The following RARA variants were observed in gnomAD, a reference collection of about 807,000 sequenced individuals.
The protein encoded by RARA is PML-DDX5-RARA fusion.
Under a neutral mutation model 42.8 loss-of-function variants are expected in RARA, and 5 were observed. That is an observed-to-expected ratio of 0.12 (90% CI 0.06 to 0.25). The LOEUF is 0.25. Ranked by LOEUF, RARA falls within the 10% of genes least tolerant of loss-of-function variation. The pLI is 1.00. For missense variants in RARA, 402 were observed against 628.7 expected (o/e 0.64, Z 3.86); for synonymous variants, 256 against 259.5 (o/e 0.99, Z 0.13).
Position 40,331,151 on chromosome 17 carries a change from G to C in RARA, c.-68G>C. Reference sequence around the variant, plus strand: ...GCCCAGGCCCCATGCCCCGAGGAGGGGTGGTCTGAAGCCCACCAGAGCCCC... The same window carrying C: ...GCCCAGGCCCCATGCCCCGAGGAGGCGTGGTCTGAAGCCCACCAGAGCCCC... On this transcript the variant is annotated 5_prime_UTR_variant, in exon 2 of 9. Coordinates refer to ENST00000254066, the MANE Select transcript of RARA (RefSeq NM_000964.4). The C allele has an allele frequency of 2.7e-6, 4 of 1,485,382 alleles. No homozygotes were observed. The highest frequency in any genetic ancestry group is 3.6e-6 in the Non-Finnish European group (4 of 1,104,870). 92.0% of individuals were successfully genotyped at this position (1,485,382 alleles called of 1,614,324 possible).
rs1221319264 is a variant in RARA at position 40,345,858 on chromosome 17, C to T, written c.179-2458C>T. Among the ~76,000 whole-genome samples, 1 of 152,214 alleles carries T rather than the reference C, an allele frequency of 6.6e-6. No individual in the cohort carries two copies. Among genetic ancestry groups the T allele is most frequent in the Non-Finnish European group, 1.5e-5 (1 of 68,030 alleles). ...AGGATTCCGGAGTTCCCCACACCTC[C>T]GGCCTTGGTCCTTGTACCTCACCTC... On this transcript the variant is annotated intron_variant, in intron 2 of 8. Coordinates refer to ENST00000254066, the MANE Select transcript of RARA (RefSeq NM_000964.4). The surrounding 1 kb of genome is among the most constrained non-coding windows in gnomAD (Gnocchi z 4.8).
chr17:40,340,632 A>C (rs755124635), intron 2 of RARA, among the ~76,000 whole-genome samples: 17 of 152,150 alleles, frequency 1.1e-4, no homozygotes, highest in Non-Finnish European at 2.1e-4. Flanking sequence ...GTTTTATTTG[A>C]GTTCTTCCCT....
At chr17:40,327,560 T>C (rs1273035527) in intron 1 of RARA, among the ~76,000 whole-genome samples, 1 of 152,170 alleles carries the variant, frequency 6.6e-6, no homozygotes, top group African/African-American at 2.4e-5. Flanking sequence ...GGTTGTGTCT[T>C]TGGGGAGCTG....
At chr17:40,316,143 C>T (rs1328449307) in intron 1 of RARA, among the ~76,000 whole-genome samples, 2 of 152,188 alleles carry the variant, frequency 1.3e-5, no homozygotes, top group African/African-American at 2.4e-5. Flanking sequence ...GTACTGGTTT[C>T]CCTGGACAGG....
chr17:40,341,722 G>A, intron 2 of RARA: 1 of 1,310,174 alleles, frequency 7.6e-7, no homozygotes, highest in Non-Finnish European at 9.7e-7. Flanking sequence ...TGTGTGTTAA[G>A]GGGAGGACAC....
rs199787390 is a variant in RARA, at chr17:40,352,302, G to A, written c.631-29G>A. 1.0e-5 allele frequency: 16 copies of A among 1,569,590 alleles called. No homozygotes were observed. The African/African-American group carries it at 2.0e-4, about 20-fold the overall frequency. On this transcript the variant is annotated intron_variant, in intron 5 of 8. Coordinates refer to ENST00000254066, the MANE Select transcript of RARA (RefSeq NM_000964.4). The surrounding 1 kb of genome is among the most constrained non-coding windows in gnomAD (Gnocchi z 4.9). ...GGCTGAGAAGGGGTGCCATGGAGAA[G>A]AAGGCCCTCACTCTCCCTCCTCCCC...
In RARA at chr17:40,354,203, C is replaced by A; in HGVS notation, c.808-99C>A. 1 of 1,150,642 alleles carries A rather than the reference C, an allele frequency of 8.7e-7. No homozygotes were observed. Among genetic ancestry groups the A allele is most frequent in the Non-Finnish European group, 1.3e-6 (1 of 793,914 alleles). 71.3% of individuals were successfully genotyped at this position (1,150,642 alleles called of 1,614,324 possible). A position where few individuals can be genotyped will look rare whatever the true frequency, so the allele number is the denominator to read the frequency against. ...CAGACAGCATTGCTCCGGCCACCTG[C>A]CAGGTGGTCCTCCGGGAGTGCTGGT... On this transcript the variant is annotated intron_variant, in intron 6 of 8. Transcript: ENST00000254066. This position sits in a 1 kb window ranked among gnomAD's most constrained non-coding sequence, Gnocchi z 4.5.
At chr17:40,325,165 C>T (rs749171446) in intron 1 of RARA, among the ~76,000 whole-genome samples, 7 of 151,886 alleles carry the variant, frequency 4.6e-5, no homozygotes, top group Non-Finnish European at 1.0e-4. Flanking sequence ...GCAGGAGAAT[C>T]GCTTGAACCC....
chr17:40,328,198 G>C (rs1018108700), intron 1 of RARA, among the ~76,000 whole-genome samples: 25 of 152,098 alleles, frequency 1.6e-4, no homozygotes, highest in Non-Finnish European at 3.7e-4. Context: ...GCCTTGGCAG[G>C]AACTCCCCCT....
At chr17:40,318,278 C>T (rs2033260417) in intron 1 of RARA, 1 of 152,450 alleles carries the variant, frequency 6.6e-6, no homozygotes, top group Non-Finnish European at 1.5e-5. Context: ...TCAGCCTCCG[C>T]ACGTGACTCG....
intron 1 of RARA, among the ~76,000 whole-genome samples, chr17:40,327,992 G>C (rs1209601738): frequency 6.6e-6 from 1 of 152,188 alleles, no homozygotes; most frequent in Non-Finnish European, 1.5e-5. Flanking sequence ...TCTTTATTCA[G>C]GAGTGAGGAG....
At chr17:40,346,822 A>T (rs1046356622) in intron 2 of RARA, among the ~76,000 whole-genome samples, 1 of 152,166 alleles carries the variant, frequency 6.6e-6, no homozygotes, top group Admixed American at 6.5e-5. Flanking sequence ...CAACTGTCCC[A>T]TTGCTGCAGG....
intron 2 of RARA, among the ~76,000 whole-genome samples, chr17:40,338,362 C>T (rs555965465): frequency 6.6e-6 from 1 of 152,306 alleles, no homozygotes; most frequent in African/African-American, 2.4e-5. Flanking sequence ...GACTGGAGGC[C>T]ACTCAACCTT....
At position 40,356,233 on chromosome 17, in the gene RARA, A is replaced by C. The variant is rs2143551040; in HGVS notation, c.*7A>C. Reference sequence around the variant, plus strand: ...GGCCACCCACTCCCCGTGACCGCCCACGCCACATGGACACAGCCCTCGCCC... The same window carrying C: ...GGCCACCCACTCCCCGTGACCGCCCCCGCCACATGGACACAGCCCTCGCCC... On this transcript the variant is annotated 3_prime_UTR_variant, in exon 9 of 9. Transcript: ENST00000254066. 1 of 1,549,426 alleles carries C rather than the reference A, an allele frequency of 6.5e-7. No homozygotes were observed. The highest frequency in any genetic ancestry group is 8.7e-7 in the Non-Finnish European group (1 of 1,146,496).
chr17:40,341,376 G>A, intron 2 of RARA: 1 of 1,451,260 alleles, frequency 6.9e-7, no homozygotes, highest in Non-Finnish European at 9.1e-7. Context: ...GGGTTCCGGC[G>A]GCCGGAGTCA....
In RARA at chr17:40,326,178, C is replaced by G. The variant is rs759926634; in HGVS notation, c.-362-4679C>G. Among the ~76,000 whole-genome samples the G allele has an allele frequency of 1.3e-5, 2 of 152,212 alleles. No homozygotes were observed. Among genetic ancestry groups the G allele is most frequent in the Non-Finnish European group, 2.9e-5 (2 of 68,028 alleles). ...CTGGGTGGGGTGAGGCAAGGGAAAG[C>G]AGGCCGACTGCTGAGGGGCACCAAG... On this transcript the variant is annotated intron_variant, in intron 1 of 8. Coordinates refer to ENST00000254066, the MANE Select transcript of RARA (RefSeq NM_000964.4). This position sits in a 1 kb window ranked among gnomAD's most constrained non-coding sequence, Gnocchi z 5.2.
At chr17:40,335,477 G>T (rs1342438617) in intron 2 of RARA, among the ~76,000 whole-genome samples, 1 of 152,026 alleles carries the variant, frequency 6.6e-6, no homozygotes, top group East Asian at 1.9e-4. Flanking sequence ...ATGACCTGAG[G>T]TCAGGAGTTT....
chr17:40,355,373 C>T lies in RARA; in HGVS notation c.1123C>T (p.Pro375Ser). The change falls in exon 8 of 9, where the codon CCC becomes TCC. Residue 375 changes from proline (P) to serine (S), a missense_variant. Around this residue, in one of 5 missense-constraint regions of RARA, gnomAD observed 104 missense variants for 160.1 expected, o/e 0.65. Transcript: ENST00000254066. This position sits in a 1 kb window ranked among gnomAD's most constrained non-coding sequence, Gnocchi z 4.1. ...KRRPSRPHMF[P>S]KMLMKITDLR... ...GAGGCCCAGCCGCCCCCACATGTTCCCCAAGATGCTAATGAAGATTACTGA... is the reference window on the plus strand; with the variant it reads ...GAGGCCCAGCCGCCCCCACATGTTCTCCAAGATGCTAATGAAGATTACTGA... 6.2e-7 allele frequency: 1 copy of T among 1,613,980 alleles called. No homozygotes were observed. Among genetic ancestry groups the T allele is most frequent in the Non-Finnish European group, 8.5e-7 (1 of 1,179,950 alleles).
chr17:40,353,262 G>A (rs1400849875), intron 6 of RARA, among the ~76,000 whole-genome samples: 3 of 151,992 alleles, frequency 2.0e-5, no homozygotes, highest in Non-Finnish European at 4.4e-5. Context: ...AGGTGAGCCC[G>A]AGGGTAGACT....
Sources: allele counts gnomAD v4.1 joint callset (sites outside exome capture counted in the v4.1 genomes callset), GRCh38; gene constraint gnomAD v4.1.1; regional missense constraint gnomAD v4.1.1; non-coding constraint Gnocchi (gnomAD v3.1); transcripts MANE v1.5; gene names NCBI Gene and HGNC (gene_info 2026-07-23, HGNC 2026-07-21).